Variants in SCHIP1 observed in about 807,000 individuals in gnomAD.
The protein encoded by SCHIP1 is schwannomin-interacting protein 1.
Under a neutral mutation model 29.7 loss-of-function variants are expected in SCHIP1, and 8 were observed. The observed-to-expected ratio is 0.27, with a 90% CI of 0.16 to 0.49. The LOEUF is 0.49. Ranked by LOEUF, SCHIP1 falls within the 20% of genes least tolerant of loss-of-function variation. The probability of loss-of-function intolerance (pLI) is 0.99; values close to 1 mark genes in which losing one functional copy is unlikely to be tolerated. For missense variants in SCHIP1, 193 were observed against 294.6 expected, an observed-to-expected ratio of 0.66 and a Z score of 2.52; for synonymous variants, 76 against 94.9, an observed-to-expected ratio of 0.80 and a Z score of 1.16.
the SCHIP1 span, among the ~76,000 whole-genome samples, chr3:159,757,729 G>A: frequency 1.3e-5 from 2 of 152,150 alleles, no homozygotes; most frequent in Admixed American, 6.5e-5. Flanking sequence ...TGCAGGGATG[G>A]TCTTGCCCAT....
chr3:159,363,891 G>C, the SCHIP1 span, among the ~76,000 whole-genome samples: 1 of 152,156 alleles, frequency 6.6e-6, no homozygotes, highest in Non-Finnish European at 1.5e-5. Context: ...AAGAATAAAA[G>C]AGAAAATCAG....
the SCHIP1 span, among the ~76,000 whole-genome samples, chr3:159,627,182 A>T: frequency 6.6e-6 from 1 of 152,150 alleles, no homozygotes; most frequent in Non-Finnish European, 1.5e-5. Context: ...TTTCAGCTTC[A>T]TCCATGTCCC....
At chr3:159,494,757 G>C in the SCHIP1 span, among the ~76,000 whole-genome samples, 2 of 152,026 alleles carry the variant, frequency 1.3e-5, no homozygotes, top group African/African-American at 4.8e-5. Flanking sequence ...CATTTTTTTA[G>C]GCCAGCATCA....
At chr3:159,385,899 C>T in the SCHIP1 span, among the ~76,000 whole-genome samples, 7 of 152,100 alleles carry the variant, frequency 4.6e-5, no homozygotes, top group East Asian at 1.9e-4. Flanking sequence ...CCTGTGTCCA[C>T]GTGTCCTCAT....
At chr3:159,764,842 C>CA in the SCHIP1 span, 1 of 1,592,258 alleles carries the variant, frequency 6.3e-7, no homozygotes, top group Non-Finnish European at 8.5e-7. This position sits in a 1 kb window ranked among gnomAD's most constrained non-coding sequence, Gnocchi z 6.1. Context: ...CCTCCACCAG[C>CA]ACGACCCCCA....
At chr3:159,656,202 G>A in the SCHIP1 span, among the ~76,000 whole-genome samples, 1 of 152,140 alleles carries the variant, frequency 6.6e-6, no homozygotes, top group African/African-American at 2.4e-5. Context: ...CGATCTGTCA[G>A]GTGCTCTGGG....
intron 2 of SCHIP1, among the ~76,000 whole-genome samples, chr3:159,881,383 A>G (rs1432749825): frequency 6.6e-6 from 1 of 152,166 alleles, no homozygotes; most frequent in East Asian, 1.9e-4. Context: ...CCCAGCCACA[A>G]ACTAGTTGGG....
the SCHIP1 span, among the ~76,000 whole-genome samples, chr3:159,608,716 T>C: frequency 6.6e-6 from 1 of 152,216 alleles, no homozygotes. Flanking sequence ...TTTTAGGACC[T>C]GAATGACCAT....
At chr3:159,425,906 C>T in the SCHIP1 span, among the ~76,000 whole-genome samples, 1 of 152,234 alleles carries the variant, frequency 6.6e-6, no homozygotes, top group South Asian at 2.1e-4. Context: ...AACTGCTCAA[C>T]TACATGGAAG....
At chr3:159,694,231 A>ACTAACC in the SCHIP1 span, among the ~76,000 whole-genome samples, 41,684 of 150,324 alleles carry the variant, frequency 0.28, 8,411 homozygotes, top group African/African-American at 0.57. Context: ...CATGCCTAAC[A>ACTAACC]CTAACCCTAA....
chr3:159,670,773 C>T, the SCHIP1 span, among the ~76,000 whole-genome samples: 1 of 152,018 alleles, frequency 6.6e-6, no homozygotes, highest in East Asian at 1.9e-4. Flanking sequence ...CTCAAACAAC[C>T]CCATCCTCCC....
At chr3:159,867,935 A>G (rs1415892226) in intron 2 of SCHIP1, among the ~76,000 whole-genome samples, 1 of 140,270 alleles carries the variant, frequency 7.1e-6, no homozygotes, top group African/African-American at 2.5e-5. Flanking sequence ...TGTCATATCC[A>G]TGTTACAAAT....
At chr3:159,894,800 T>A (rs1485501334) in intron 6 of SCHIP1, 1 of 152,208 alleles carries the variant, frequency 6.6e-6, no homozygotes, top group African/African-American at 2.4e-5. Flanking sequence ...AAGAACCTTT[T>A]AGTTTTATGG....
chr3:159,677,414 G>A, the SCHIP1 span, among the ~76,000 whole-genome samples: 2 of 152,246 alleles, frequency 1.3e-5, no homozygotes, highest in African/African-American at 4.8e-5. Flanking sequence ...CATGGTTCAG[G>A]GATAGGAAGA....
the SCHIP1 span, among the ~76,000 whole-genome samples, chr3:159,596,160 A>G: frequency 6.6e-6 from 1 of 152,182 alleles, no homozygotes; most frequent in Admixed American, 6.5e-5. Context: ...ACACTTCTCA[A>G]AAGAAGACAT....
At chr3:159,568,936 G>C in the SCHIP1 span, among the ~76,000 whole-genome samples, 3 of 152,112 alleles carry the variant, frequency 2.0e-5, no homozygotes, top group African/African-American at 7.2e-5. Flanking sequence ...TTCTAGTGAA[G>C]TGAGACTTTA....
At chr3:159,561,052 C>T in the SCHIP1 span, among the ~76,000 whole-genome samples, 1 of 152,158 alleles carries the variant, frequency 6.6e-6, no homozygotes, top group Admixed American at 6.5e-5. Flanking sequence ...GACGTTTATA[C>T]ACACAGCACA....
the SCHIP1 span, among the ~76,000 whole-genome samples, chr3:159,325,793 T>A: frequency 6.6e-6 from 1 of 152,080 alleles, no homozygotes. Flanking sequence ...CTGATGTATT[T>A]ACTATTTATA....
the SCHIP1 span, among the ~76,000 whole-genome samples, chr3:159,813,162 T>TCC: frequency 6.6e-6 from 1 of 152,210 alleles, no homozygotes; most frequent in Non-Finnish European, 1.5e-5. Context: ...GCTGACCATA[T>TCC]TCAAACCATA....
Sources: gnomAD v4.1 joint callset for allele counts (sites outside exome capture counted in the v4.1 genomes callset) on GRCh38, gnomAD v4.1.1 for gene constraint, Gnocchi (gnomAD v3.1) non-coding constraint, MANE v1.5 for transcripts, NCBI Gene and HGNC (gene_info 2026-07-23, HGNC 2026-07-21) for gene names.